The following CLCN5 variants were observed in gnomAD, a reference collection of about 807,000 sequenced individuals.
The protein encoded by CLCN5 is Cl-/H+ antiporter 5.
In CLCN5, 17 loss-of-function variants were observed where a neutral mutation model predicts 54.0. The observed-to-expected ratio is 0.31, with a 90% CI of 0.22 to 0.47. The LOEUF is 0.47. CLCN5 is among the 20% of genes least tolerant of loss of function. The probability of loss-of-function intolerance (pLI) is 1.00; values close to 1 mark genes in which losing one functional copy is unlikely to be tolerated. For missense variants in CLCN5, 448 were observed against 646.7 expected (o/e 0.69, Z 3.33); for synonymous variants, 222 against 233.0 (o/e 0.95, Z 0.43).
chrX:49,990,346 A>G (rs1929197290), intron 3 of CLCN5, among the ~76,000 whole-genome samples: 1 of 109,027 alleles, frequency 9.2e-6, no homozygotes, highest in South Asian at 4.1e-4. Flanking sequence ...TGGTATACCC[A>G]TCACCTGAGC....
intron 3 of CLCN5, among the ~76,000 whole-genome samples, chrX:49,942,884 T>A (rs1557171301): frequency 2.8e-5 from 3 of 108,202 alleles, no homozygotes; most frequent in Non-Finnish European, 5.7e-5. Context: ...TGTGTCTTTA[T>A]AGCAGCATGA....
chrX:50,031,149 T>C lies in CLCN5; in HGVS notation c.17-11167T>C, dbSNP rs894807737. The stretch of plus-strand genomic sequence containing the variant: ...AAGGGAACATAGCATATTATTGTTT[T>C]AATTTTAATTTACCTGAATTTTTAA... On this transcript the variant is annotated intron_variant, in intron 3 of 14. Transcript: ENST00000376091. 2.7e-5 allele frequency among the ~76,000 whole-genome samples: 3 copies of C among 111,977 alleles called. No individual in the cohort carries two copies. In the Admixed American group the frequency reaches 2.8e-4, roughly 11 times the overall value.
At chrX:49,951,671 A>G (rs1927046882) in intron 3 of CLCN5, among the ~76,000 whole-genome samples, 1 of 112,153 alleles carries the variant, frequency 8.9e-6, no homozygotes, top group Non-Finnish European at 1.9e-5. Context: ...AGGTTTAGGA[A>G]GGAGGTGACA....
At chrX:50,088,417 A>C (rs1208910142) in intron 11 of CLCN5, 1 of 342,318 alleles carries the variant, frequency 2.9e-6, no homozygotes, top group African/African-American at 2.6e-5. Flanking sequence ...GGAAAGGCCC[A>C]ATTTCTGCCT....
At position 49,933,721 on chromosome X, in the gene CLCN5, T is replaced by C. The variant is rs1234508380; in HGVS notation, c.16+8407T>C. ...TATTGGGAGGATGTAGTGTAGTGAG[T>C]GAATACAAATGCAGCAAAGCACTTG... On this transcript the variant is annotated intron_variant, in intron 3 of 14. Coordinates refer to ENST00000376091, the MANE Select transcript of CLCN5 (RefSeq NM_001127898.4). Among the ~76,000 whole-genome samples, 3 of 111,709 alleles carry C rather than the reference T, an allele frequency of 2.7e-5. No individual in the cohort carries two copies. In the Admixed American group the frequency reaches 2.9e-4, roughly 11 times the overall value.
intron 3 of CLCN5, among the ~76,000 whole-genome samples, chrX:49,937,215 G>T (rs782423131): frequency 8.9e-6 from 1 of 111,760 alleles, no homozygotes; most frequent in Non-Finnish European, 1.9e-5. Context: ...TTAAGAATTC[G>T]TGTATATGTG....
At chrX:50,019,668 C>T (rs1338090280) in intron 3 of CLCN5, among the ~76,000 whole-genome samples, 7 of 41,545 alleles carry the variant, frequency 1.7e-4, no homozygotes, top group African/African-American at 5.9e-4. Flanking sequence ...TGATATTCCC[C>T]TTCCTGTGTC....
At chrX:50,060,469 C>T (rs1367943735) in intron 4 of CLCN5, among the ~76,000 whole-genome samples, 13 of 107,725 alleles carry the variant, frequency 1.2e-4, no homozygotes, top group Non-Finnish European at 2.5e-4. Flanking sequence ...AACGGCGCAC[C>T]ACGAGACTAT....
chrX:49,942,481 G>A (rs1397193028), intron 3 of CLCN5, among the ~76,000 whole-genome samples: 2 of 108,576 alleles, frequency 1.8e-5, no homozygotes, highest in Non-Finnish European at 3.8e-5. Flanking sequence ...GTATACATGT[G>A]CCATGTTGGT....
intron 3 of CLCN5, among the ~76,000 whole-genome samples, chrX:49,935,827 G>T (rs1444798951): frequency 9.0e-6 from 1 of 110,793 alleles, no homozygotes; most frequent in Non-Finnish European, 1.9e-5. Flanking sequence ...AAATTGGAAA[G>T]GTGGGCAGGG....
At chrX:50,009,256 C>G (rs925290689) in intron 3 of CLCN5, among the ~76,000 whole-genome samples, 3 of 111,749 alleles carry the variant, frequency 2.7e-5, no homozygotes, top group African/African-American at 9.8e-5. Context: ...TCTGTTTACT[C>G]CCAGCTTACT....
intron 12 of CLCN5, among the ~76,000 whole-genome samples, chrX:50,089,442 A>G (rs782347770): frequency 7.1e-5 from 8 of 112,753 alleles, no homozygotes; most frequent in Non-Finnish European, 1.5e-4. Context: ...AAAACTTGAA[A>G]AAGTCATTCA....
intron 3 of CLCN5, among the ~76,000 whole-genome samples, chrX:49,947,151 A>G (rs1926801681): frequency 9.0e-6 from 1 of 111,660 alleles, no homozygotes; most frequent in Admixed American, 9.5e-5. Flanking sequence ...TTATCCATCA[A>G]CAAACACTCA....
chrX:49,935,659 TGAG>T (rs1405561908), intron 3 of CLCN5, among the ~76,000 whole-genome samples: 3 of 111,364 alleles, frequency 2.7e-5, no homozygotes, highest in Non-Finnish European at 5.7e-5. Context: ...ACCTGAAAGA[TGAG>T]GAGGAGTTAT....
At chrX:49,999,742 T>C (rs1418803347) in intron 3 of CLCN5, among the ~76,000 whole-genome samples, 1 of 111,625 alleles carries the variant, frequency 9.0e-6, no homozygotes, top group Non-Finnish European at 1.9e-5. Flanking sequence ...CATATTTGGC[T>C]CTTTTCACTA....
At chrX:50,023,071 G>A (rs1269280407) in intron 3 of CLCN5, among the ~76,000 whole-genome samples, 3 of 95,846 alleles carry the variant, frequency 3.1e-5, no homozygotes, top group South Asian at 9.1e-4. Context: ...AATGTTGACA[G>A]TGGGGTGTTA....
intron 3 of CLCN5, among the ~76,000 whole-genome samples, chrX:49,971,270 A>G (rs1359094989): frequency 9.6e-6 from 1 of 103,860 alleles, no homozygotes; most frequent in African/African-American, 3.4e-5. Context: ...ATATTTTTAT[A>G]TATATTATTT....
chrX:50,028,531 G>A (rs782194638), intron 3 of CLCN5, among the ~76,000 whole-genome samples: 1 of 111,850 alleles, frequency 8.9e-6, no homozygotes, highest in African/African-American at 3.2e-5. Flanking sequence ...TTCTGTTTGT[G>A]TTCCTATGGA....
At chrX:49,991,540 G>A (rs183251441) in intron 3 of CLCN5, among the ~76,000 whole-genome samples, 3 of 112,025 alleles carry the variant, frequency 2.7e-5, no homozygotes, top group Non-Finnish European at 3.8e-5. Flanking sequence ...CTGTGCAGAA[G>A]CTTTTTAGTT....
Sources: gnomAD v4.1 joint callset for allele counts (sites outside exome capture counted in the v4.1 genomes callset) on GRCh38, gnomAD v4.1.1 for gene constraint, MANE v1.5 for transcripts, NCBI Gene and HGNC (gene_info 2026-07-23, HGNC 2026-07-21) for gene names.